MSRB3: variants seen among roughly 807,000 people sequenced by gnomAD.
MSRB3 encodes the protein methionine sulfoxide reductase B3.
MSRB3 carries 13 observed loss-of-function variants against 21.0 expected under a neutral mutation model. The observed-to-expected ratio is 0.62, with a 90% CI of 0.40 to 0.98. The LOEUF (loss-of-function observed/expected upper bound fraction) is 0.98, where lower values mean the gene tolerates loss of function less well. MSRB3 is among the 50% of genes least tolerant of loss of function. The pLI is 0.00. For synonymous variants in MSRB3, 87 were observed against 88.6 expected (o/e 0.98, Z 0.10); for missense variants, 199 against 230.3 (o/e 0.86, Z 0.88).
chr12:65,455,819 C>T (rs1592653802), intron 6 of MSRB3, among the ~76,000 whole-genome samples: 1 of 152,124 alleles, frequency 6.6e-6, no homozygotes, highest in African/African-American at 2.4e-5. Context: ...TCACGGCAAC[C>T]TCCACCCGCC....
At position 65,407,391 on chromosome 12, in the gene MSRB3, T is replaced by C. The variant is rs545611482; in HGVS notation, c.292+38365T>C. On this transcript the variant is annotated intron_variant, in intron 5 of 6. Transcript: ENST00000308259. ...ATATTTCACTCTGCTCTCTTCATTG[T>C]ATGGTTTTTGAGGAGAAGTCTGACG... 1.3e-4 allele frequency among the ~76,000 whole-genome samples: 20 copies of C among 152,216 alleles called. No homozygotes were observed. In the South Asian group the frequency reaches 3.1e-3, roughly 24 times the overall value.
At chr12:65,452,782 T>G (rs934135656) in intron 5 of MSRB3, among the ~76,000 whole-genome samples, 3 of 152,314 alleles carry the variant, frequency 2.0e-5, no homozygotes, top group Admixed American at 6.5e-5. Flanking sequence ...ACCAGGTTCT[T>G]AACGGGCTTC....
At chr12:65,347,363 C>A (rs1017873770) in intron 4 of MSRB3, among the ~76,000 whole-genome samples, 1 of 152,086 alleles carries the variant, frequency 6.6e-6, no homozygotes, top group Admixed American at 6.6e-5. Flanking sequence ...AATGGGAGTT[C>A]ACTCATGATT....
rs1011602774 is a variant in MSRB3 at position 65,465,553 on chromosome 12, A to G, written c.*2231A>G. On this transcript the variant is annotated 3_prime_UTR_variant, in exon 7 of 7. Transcript: ENST00000308259. ...ACATTCCTACATGTCTCTCTCTACA[A>G]GCACCTCTCTAAGAAGCCTGACATC... 1 of 152,140 alleles carries G rather than the reference A, an allele frequency of 6.6e-6. No homozygotes were observed. Among genetic ancestry groups the G allele is most frequent in the South Asian group, 2.1e-4 (1 of 4,808 alleles). The allele number at this position is 152,140 out of a possible 1,614,324, so 9.4% of individuals were successfully genotyped here.
At position 65,335,484 on chromosome 12, in the gene MSRB3, C is replaced by A. The variant is rs181886435; in HGVS notation, c.263+6881C>A. On this transcript the variant is annotated intron_variant, in intron 4 of 6. Transcript: ENST00000308259. The stretch of plus-strand genomic sequence containing the variant: ...TTTCAGCTCTTTAAGAACATAAGCC[C>A]TTTCACTGAGAAAATTCCAGTCCAG... Among the ~76,000 whole-genome samples, 450 of 152,306 alleles carry A rather than the reference C, an allele frequency of 3.0e-3. 8 individuals are homozygous for A. Among genetic ancestry groups the A allele is most frequent in the Admixed American group, 0.027 (420 of 15,292 alleles).
intron 5 of MSRB3, among the ~76,000 whole-genome samples, chr12:65,397,015 G>T (rs1879855689): frequency 6.6e-6 from 1 of 152,134 alleles, no homozygotes; most frequent in African/African-American, 2.4e-5. Flanking sequence ...AGTTCTATCA[G>T]TTTTTGCCTC....
chr12:65,457,391 T>C (rs10878283), intron 6 of MSRB3, among the ~76,000 whole-genome samples: 74,047 of 151,652 alleles, frequency 0.49, 18,751 homozygotes, highest in African/African-American at 0.63. Flanking sequence ...ACCTGACAGG[T>C]CCTGGTGTGT....
chr12:65,395,174 T>C (rs989345879), intron 5 of MSRB3, among the ~76,000 whole-genome samples: 1 of 152,126 alleles, frequency 6.6e-6, no homozygotes, highest in Non-Finnish European at 1.5e-5. Context: ...ATCTTGTATA[T>C]AGAAAATCCT....
At chr12:65,370,155 AG>A (rs1222704884) in intron 5 of MSRB3, among the ~76,000 whole-genome samples, 8 of 152,186 alleles carry the variant, frequency 5.3e-5, no homozygotes, top group African/African-American at 1.9e-4. Flanking sequence ...TGGTAGTATA[AG>A]ATAAACATTT....
At chr12:65,286,895 C>A (rs1872382623) in intron 1 of MSRB3, among the ~76,000 whole-genome samples, 1 of 150,632 alleles carries the variant, frequency 6.6e-6, no homozygotes, top group African/African-American at 2.4e-5. Flanking sequence ...CTGGCATGCA[C>A]CTGTGGTCCC....
intron 1 of MSRB3, among the ~76,000 whole-genome samples, chr12:65,297,291 G>A (rs1652480249): frequency 6.6e-6 from 1 of 152,126 alleles, no homozygotes; most frequent in South Asian, 2.1e-4. Context: ...CCTAGGTGAT[G>A]GATTGATAGG....
intron 1 of MSRB3, among the ~76,000 whole-genome samples, chr12:65,303,337 A>G (rs1873455603): frequency 6.6e-6 from 1 of 152,220 alleles, no homozygotes; most frequent in African/African-American, 2.4e-5. Flanking sequence ...ACCCTAGCAG[A>G]TTAACTTTAA....
intron 1 of MSRB3, among the ~76,000 whole-genome samples, chr12:65,292,421 A>G (rs1203783856): frequency 6.6e-6 from 1 of 151,404 alleles, no homozygotes; most frequent in East Asian, 1.9e-4. Context: ...CAGTAAGTTA[A>G]CTAGCGTTGT....
chr12:65,354,535 C>T (rs1169180670), intron 4 of MSRB3, among the ~76,000 whole-genome samples: 1 of 151,954 alleles, frequency 6.6e-6, no homozygotes, highest in Non-Finnish European at 1.5e-5. Flanking sequence ...GAGGCTTGTG[C>T]ATTCGTCACG....
At chr12:65,373,393 T>G (rs532081543) in intron 5 of MSRB3, among the ~76,000 whole-genome samples, 1 of 152,280 alleles carries the variant, frequency 6.6e-6, no homozygotes, top group South Asian at 2.1e-4. Context: ...AATAACTGGA[T>G]GTGAAGGACA....
chr12:65,382,083 T>C (rs1878967950), intron 5 of MSRB3, among the ~76,000 whole-genome samples: 1 of 152,088 alleles, frequency 6.6e-6, no homozygotes, highest in Admixed American at 6.5e-5. Flanking sequence ...CGCTAACAAA[T>C]ATCATCCCTT....
intron 6 of MSRB3, among the ~76,000 whole-genome samples, chr12:65,456,183 CTTTTA>C (rs1883083788): frequency 6.6e-6 from 1 of 152,068 alleles, no homozygotes; most frequent in African/African-American, 2.4e-5. Flanking sequence ...ATCGTTGTTT[CTTTTA>C]TTTTCTTTTT....
chr12:65,333,881 C>T (rs528884329), intron 4 of MSRB3, among the ~76,000 whole-genome samples: 19 of 152,234 alleles, frequency 1.2e-4, no homozygotes, highest in East Asian at 7.7e-4. Context: ...TCACCAAATA[C>T]GTAGTTGTTG....
chr12:65,389,135 C>G (rs538893595), intron 5 of MSRB3, among the ~76,000 whole-genome samples: 26 of 152,246 alleles, frequency 1.7e-4, no homozygotes, highest in Admixed American at 1.3e-3. Flanking sequence ...CTGCAGAAGT[C>G]TCACCCTTCA....
Sources: allele counts gnomAD v4.1 joint callset (sites outside exome capture counted in the v4.1 genomes callset), GRCh38; gene constraint gnomAD v4.1.1; transcripts MANE v1.5; gene names NCBI Gene and HGNC (gene_info 2026-07-23, HGNC 2026-07-21).